TIAM1: variants seen among roughly 807,000 people sequenced by gnomAD.
TIAM1 encodes the protein rho guanine nucleotide exchange factor TIAM1.
A neutral mutation model predicts 163.5 loss-of-function variants in TIAM1; 65 were observed. The observed-to-expected ratio is 0.40, with a 90% CI of 0.33 to 0.49. TIAM1 has a LOEUF of 0.49. TIAM1 is among the 20% of genes least tolerant of loss of function. TIAM1 has a pLI of 0.77. For synonymous variants in TIAM1, 833 were observed against 810.1 expected, an observed-to-expected ratio of 1.03 and a Z score of -0.48; for missense variants, 1,789 against 2,044.7, an observed-to-expected ratio of 0.87 and a Z score of 2.41.
At chr21:31,225,529 G>A (rs2070415) in intron 7 of TIAM1, among the ~76,000 whole-genome samples, 197 bp downstream of exon 7, 14,512 of 151,740 alleles carry the variant, frequency 0.096, 1,163 homozygotes, top group East Asian at 0.39. Flanking sequence ...ATATTGTTCC[G>A]TTTAGCTATT....
intron 1 of TIAM1, among the ~76,000 whole-genome samples, chr21:31,540,068 C>A (rs1462528607): frequency 2.0e-5 from 3 of 151,506 alleles, no homozygotes; most frequent in South Asian, 2.1e-4. Context: ...TAAGGCCTAG[C>A]ACAAGGGAAA....
intron 20 of TIAM1, among the ~76,000 whole-genome samples, chr21:31,143,696 C>T (rs909345145): frequency 6.6e-6 from 1 of 151,054 alleles, no homozygotes; most frequent in Admixed American, 6.6e-5. Flanking sequence ...ACTAAAGATG[C>T]TATAAAAGGG....
intron 18 of TIAM1, 85 bp downstream of exon 18, chr21:31,152,981 G>A (rs2083449278): frequency 7.3e-7 from 1 of 1,363,226 alleles, no homozygotes. Flanking sequence ...TGTTTTCAGT[G>A]TTACGCATGT....
intron 1 of TIAM1, among the ~76,000 whole-genome samples, chr21:31,490,382 A>G (rs1008808334): frequency 1.3e-5 from 2 of 151,978 alleles, no homozygotes; most frequent in Non-Finnish European, 2.9e-5. Context: ...ACCATTGATT[A>G]AAACACGAAA....
At chr21:31,279,533 G>T (rs2073451635) in intron 2 of TIAM1, among the ~76,000 whole-genome samples, 1 of 152,196 alleles carries the variant, frequency 6.6e-6, no homozygotes, top group Admixed American at 6.5e-5. Flanking sequence ...CGGGCTGCAC[G>T]CATCCGGTCA....
At chr21:31,380,836 G>A (rs559421101) in intron 2 of TIAM1, among the ~76,000 whole-genome samples, 2 of 152,260 alleles carry the variant, frequency 1.3e-5, no homozygotes, top group Admixed American at 6.5e-5. Context: ...AATTTGCATT[G>A]TACCGGATCG....
Position 31,522,136 on chromosome 21 carries a change from G to T in TIAM1, c.-422+36791C>A, listed in dbSNP as rs937063515. Among the ~76,000 whole-genome samples, 30 of 151,968 alleles carry T rather than the reference G, an allele frequency of 2.0e-4. 1 individual carries two copies. The highest frequency in any genetic ancestry group is 7.2e-4 in the African/African-American group (30 of 41,520). ...TCCGCCCGCCTCGGCCTCCCAAAAT[G>T]CTGGGATTACAGGCGTGAGCCACCA... On this transcript the variant is annotated intron_variant, in intron 1 of 28. Transcript: ENST00000286827.
chr21:31,421,562 T>C (rs960316139), intron 2 of TIAM1, among the ~76,000 whole-genome samples: 1 of 152,170 alleles, frequency 6.6e-6, no homozygotes, highest in Non-Finnish European at 1.5e-5. Context: ...GCGCACTCCT[T>C]ATGAGAATCG....
intron 2 of TIAM1, among the ~76,000 whole-genome samples, chr21:31,456,117 G>A (rs1020578920): frequency 4.6e-5 from 7 of 152,206 alleles, no homozygotes; most frequent in African/African-American, 1.7e-4. Flanking sequence ...CACTCAAGTG[G>A]TTCCAGAAGG....
At chr21:31,162,703 G>A (rs373957171) in intron 16 of TIAM1, among the ~76,000 whole-genome samples, 2 of 149,946 alleles carry the variant, frequency 1.3e-5, no homozygotes, top group Admixed American at 6.7e-5. Flanking sequence ...GTGCAGTGGC[G>A]CGATCTTGAC....
chr21:31,328,806 T>C (rs996399528), intron 2 of TIAM1, among the ~76,000 whole-genome samples: 3 of 151,302 alleles, frequency 2.0e-5, no homozygotes, highest in Non-Finnish European at 4.4e-5. Context: ...TGATAACCTG[T>C]GGTGAATTTT....
chr21:31,408,885 A>AAT (rs2077294635), intron 2 of TIAM1, among the ~76,000 whole-genome samples: 1 of 152,096 alleles, frequency 6.6e-6, no homozygotes, highest in Admixed American at 6.5e-5. Flanking sequence ...GGAAACCTAG[A>AAT]AGTGGGGCAA....
intron 13 of TIAM1, among the ~76,000 whole-genome samples, chr21:31,187,618 T>C (rs2085365492): frequency 6.6e-6 from 1 of 152,144 alleles, no homozygotes; most frequent in Non-Finnish European, 1.5e-5. Context: ...ACAGAAACTG[T>C]ACCTGATTTC....
At chr21:31,483,757 T>C (rs1196718859) in intron 1 of TIAM1, among the ~76,000 whole-genome samples, 2 of 152,044 alleles carry the variant, frequency 1.3e-5, no homozygotes, top group African/African-American at 4.8e-5. Flanking sequence ...AATCTGCACA[T>C]AGGACCAGAG....
intron 2 of TIAM1, among the ~76,000 whole-genome samples, chr21:31,321,428 C>T (rs2075309697): frequency 6.6e-6 from 1 of 152,174 alleles, no homozygotes; most frequent in Non-Finnish European, 1.5e-5. Context: ...TCTTGGCTCA[C>T]TGCAACCTCC....
intron 19 of TIAM1, among the ~76,000 whole-genome samples, chr21:31,151,642 G>C (rs2083375590): frequency 6.6e-6 from 1 of 152,150 alleles, no homozygotes; most frequent in South Asian, 2.1e-4. Flanking sequence ...GCATTGTCCT[G>C]ATTGTGACGA....
intron 12 of TIAM1, among the ~76,000 whole-genome samples, chr21:31,196,310 T>C (rs1163573484): frequency 6.7e-6 from 1 of 149,298 alleles, no homozygotes; most frequent in East Asian, 2.1e-4. Context: ...TTTCTTTTCT[T>C]TTTTCTTTTT....
At chr21:31,536,101 G>A (rs543868436) in intron 1 of TIAM1, among the ~76,000 whole-genome samples, 9 of 152,304 alleles carry the variant, frequency 5.9e-5, no homozygotes, top group African/African-American at 1.7e-4. Context: ...CAGAGAGGCC[G>A]GGGGTTGATG....
chr21:31,558,143 CCCCA>C (rs2048952778), intron 1 of TIAM1, among the ~76,000 whole-genome samples: 1 of 149,756 alleles, frequency 6.7e-6, no homozygotes, highest in Non-Finnish European at 1.5e-5. Context: ...CAAAAGCGGG[CCCCA>C]CGCGGGTCCC....
Sources: allele counts gnomAD v4.1 joint callset (sites outside exome capture counted in the v4.1 genomes callset), GRCh38; gene constraint gnomAD v4.1.1; transcripts MANE v1.5; gene names NCBI Gene and HGNC (gene_info 2026-07-23, HGNC 2026-07-21).